PDE8B: variants seen among roughly 807,000 people sequenced by gnomAD.
PDE8B encodes the protein phosphodiesterase 8B.
PDE8B carries 26 observed loss-of-function variants against 101.3 expected under a neutral mutation model. The ratio of observed to expected loss-of-function variants is 0.26; its 90% CI spans 0.19 to 0.36. The LOEUF is 0.36. Among genes scored for constraint, PDE8B ranks in the 10% least tolerant of loss-of-function variants. PDE8B has a pLI of 1.00. For synonymous variants in PDE8B, 424 were observed against 429.3 expected (o/e 0.99, Z 0.15); for missense variants, 810 against 1,163.1 (o/e 0.70, Z 4.42).
chr5:77,419,212 C>G (rs2151165494), intron 18 of PDE8B, among the ~76,000 whole-genome samples: 1 of 152,306 alleles, frequency 6.6e-6, no homozygotes, highest in South Asian at 2.1e-4. Context: ...CATTCTGGCT[C>G]TTGAAGTTAG....
At chr5:77,178,171 C>T in the PDE8B span, among the ~76,000 whole-genome samples, 1 of 152,114 alleles carries the variant, frequency 6.6e-6, no homozygotes, top group Non-Finnish European at 1.5e-5. Context: ...TTTTCTTTTT[C>T]TTTTATAGAT....
chr5:77,421,881 C>T lies in PDE8B; in HGVS notation c.2311C>T (p.Leu771=). 1 of 1,614,138 alleles carries T rather than the reference C, an allele frequency of 6.2e-7. No individual in the cohort carries two copies. Among genetic ancestry groups the T allele is most frequent in the Non-Finnish European group, 8.5e-7 (1 of 1,180,002 alleles). ...AGKNFPENQI[L]IKRMMIKCAD... is the part of the protein sequence containing the mutation. ...GAAGAACTTCCCTGAAAACCAAATC[C>T]TGATCAAACGCATGATGATTAAGTG... The change falls in exon 20 of 22, where the codon CTG becomes TTG. Residue 771 remains leucine, a synonymous_variant. Transcript: ENST00000264917.
intron 1 of PDE8B, among the ~76,000 whole-genome samples, chr5:77,271,589 G>A (rs142236692): frequency 3.3e-4 from 50 of 152,242 alleles, no homozygotes; most frequent in African/African-American, 1.2e-3. Flanking sequence ...GCAGAGAAGA[G>A]GAGTATTGGA....
chr5:77,393,730 C>A (rs1352964455), intron 10 of PDE8B, among the ~76,000 whole-genome samples: 2 of 152,140 alleles, frequency 1.3e-5, no homozygotes, highest in South Asian at 2.1e-4. Flanking sequence ...AAGGATTCCC[C>A]ATTAGACTAT....
chr5:77,236,268 T>C (rs1754674756), intron 1 of PDE8B, among the ~76,000 whole-genome samples: 2 of 152,216 alleles, frequency 1.3e-5, no homozygotes, highest in South Asian at 4.1e-4. Flanking sequence ...GACAAGGTTC[T>C]AGCTACCTGT....
At chr5:77,347,110 C>A (rs904017683) in intron 7 of PDE8B, among the ~76,000 whole-genome samples, 1 of 152,186 alleles carries the variant, frequency 6.6e-6, no homozygotes, top group Non-Finnish European at 1.5e-5. Context: ...TTCCTCCATG[C>A]CCCCATCTAT....
chr5:77,225,880 A>ACACACACACC (rs1554059621), intron 1 of PDE8B, among the ~76,000 whole-genome samples: 6 of 100,718 alleles, frequency 6.0e-5, no homozygotes, highest in African/African-American at 2.7e-4. Context: ...ACACACACAC[A>ACACACACACC]CCCCACGCAC....
At chr5:77,264,704 T>C (rs960661782) in intron 1 of PDE8B, among the ~76,000 whole-genome samples, 1 of 152,158 alleles carries the variant, frequency 6.6e-6, no homozygotes, top group Non-Finnish European at 1.5e-5. Flanking sequence ...TGGGTAGATA[T>C]TACTGTTTCA....
At chr5:77,363,273 C>T (rs1345643721) in intron 10 of PDE8B, among the ~76,000 whole-genome samples, 1 of 152,058 alleles carries the variant, frequency 6.6e-6, no homozygotes, top group African/African-American at 2.4e-5. Context: ...GGATTCTAAC[C>T]CTAAAGTAGT....
chr5:77,237,594 T>C (rs1254247035), intron 1 of PDE8B, among the ~76,000 whole-genome samples: 1 of 152,176 alleles, frequency 6.6e-6, no homozygotes, highest in Non-Finnish European at 1.5e-5. Flanking sequence ...TTAGGCCATG[T>C]CATAAATTTT....
chr5:77,287,597 C>A lies in PDE8B; in HGVS notation c.340-24397C>A, dbSNP rs191387141. On this transcript the variant is annotated intron_variant, in intron 1 of 21. Coordinates refer to ENST00000264917, the MANE Select transcript of PDE8B (RefSeq NM_003719.5). ...TGAGAGTGAAATTACATGTATGTGA[C>A]ACCTTTTCTCTGTGTCCTGGATGCC... Among the ~76,000 whole-genome samples the A allele has an allele frequency of 1.8e-3, 269 of 152,224 alleles. 3 individuals are homozygous for A. The highest frequency in any genetic ancestry group is 0.014 in the Admixed American group (216 of 15,298).
chr5:77,238,640 G>A (rs543593956), intron 1 of PDE8B, among the ~76,000 whole-genome samples: 2 of 152,298 alleles, frequency 1.3e-5, no homozygotes, highest in East Asian at 3.9e-4. Flanking sequence ...TTATTACAAG[G>A]AATTGGCTCA....
intron 7 of PDE8B, among the ~76,000 whole-genome samples, chr5:77,346,670 A>T (rs1780209615): frequency 1.3e-5 from 2 of 152,222 alleles, no homozygotes; most frequent in South Asian, 4.1e-4. Context: ...CCTGTAAAGG[A>T]GAGGTGGAAG....
At chr5:77,369,808 A>C (rs1784766021) in intron 10 of PDE8B, among the ~76,000 whole-genome samples, 1 of 152,182 alleles carries the variant, frequency 6.6e-6, no homozygotes. Flanking sequence ...CATGAAGTAC[A>C]CTCAGCCACT....
the PDE8B span, among the ~76,000 whole-genome samples, chr5:77,176,255 G>C: frequency 6.6e-6 from 1 of 152,092 alleles, no homozygotes; most frequent in Non-Finnish European, 1.5e-5. Context: ...AGCTGTGAAT[G>C]GGGTGAAGTT....
At chr5:77,340,274 G>A (rs1257790377) in intron 6 of PDE8B, among the ~76,000 whole-genome samples, 2 of 152,110 alleles carry the variant, frequency 1.3e-5, no homozygotes, top group African/African-American at 4.8e-5. Context: ...TTTTTGGTGG[G>A]CAAAACTCTG....
At position 77,408,993 on chromosome 5, in the gene PDE8B, C is replaced by G. The variant is rs765263298; in HGVS notation, c.1466C>G (p.Ser489Cys). The G allele has an allele frequency of 6.2e-7, 1 of 1,613,260 alleles. No homozygotes were observed. The highest frequency in any genetic ancestry group is 8.5e-7 in the Non-Finnish European group (1 of 1,179,196). The stretch of plus-strand genomic sequence containing the variant: ...ATTTTACGGACCACAGAACTGTACT[C>G]CCCTCAGCTGGGTACCAAAGATGAA... ...LEILRTTELY[S>C]PQLGTKDEDP... The change falls in exon 14 of 22, where the codon TCC becomes TGC. Residue 489 changes from serine to cysteine, a missense_variant. Physicochemically the swap from Ser to Cys is moderately radical, Grantham distance 112. Transcript: ENST00000264917.
intron 1 of PDE8B, among the ~76,000 whole-genome samples, chr5:77,276,619 T>G (rs913635273): frequency 6.6e-6 from 1 of 152,152 alleles, no homozygotes; most frequent in Non-Finnish European, 1.5e-5. Flanking sequence ...CAATATTGAG[T>G]GTCTAATGTG....
At chr5:77,138,142 G>C in the PDE8B span, among the ~76,000 whole-genome samples, 1 of 152,026 alleles carries the variant, frequency 6.6e-6, no homozygotes, top group East Asian at 1.9e-4. Flanking sequence ...CAAGTCCAAG[G>C]GCATTTATGA....
Sources: allele counts gnomAD v4.1 joint callset (sites outside exome capture counted in the v4.1 genomes callset), GRCh38; gene constraint gnomAD v4.1.1; transcripts MANE v1.5; gene names NCBI Gene and HGNC (gene_info 2026-07-23, HGNC 2026-07-21).